TTC28: variants seen among roughly 807,000 people sequenced by gnomAD.
TTC28 encodes the protein tetratricopeptide repeat protein 28.
In TTC28, 61 loss-of-function variants were observed where a neutral mutation model predicts 198.0. That is an observed-to-expected ratio of 0.31 (90% CI 0.25 to 0.38). TTC28 has a LOEUF of 0.38. Among genes scored for constraint, TTC28 ranks in the 10% least tolerant of loss-of-function variants. The probability of loss-of-function intolerance (pLI) is 1.00; values close to 1 mark genes in which losing one functional copy is unlikely to be tolerated. For missense variants in TTC28, 2,678 were observed against 3,164.0 expected, an observed-to-expected ratio of 0.85 and a Z score of 3.69; for synonymous variants, 1,171 against 1,297.8, an observed-to-expected ratio of 0.90 and a Z score of 2.10.
chr22:28,538,208 C>A (rs1342235836), intron 2 of TTC28, among the ~76,000 whole-genome samples: 1 of 152,118 alleles, frequency 6.6e-6, no homozygotes, highest in African/African-American at 2.4e-5. Flanking sequence ...CCTCAGCTTC[C>A]TGAATAGCTG....
chr22:28,033,810 C>A (rs912005552), intron 12 of TTC28, among the ~76,000 whole-genome samples: 2 of 152,154 alleles, frequency 1.3e-5, no homozygotes, highest in African/African-American at 4.8e-5. Context: ...GGCTGCCCAA[C>A]CCTCAAAAAC....
At chr22:28,046,644 T>C (rs12169888) in intron 12 of TTC28, among the ~76,000 whole-genome samples, 10,523 of 152,272 alleles carry the variant, frequency 0.069, 429 homozygotes, top group South Asian at 0.091. Context: ...ACTGTGTACA[T>C]AGGCTGCCTG....
At chr22:28,403,829 C>T (rs1426591959) in intron 2 of TTC28, among the ~76,000 whole-genome samples, 1 of 152,202 alleles carries the variant, frequency 6.6e-6, no homozygotes, top group African/African-American at 2.4e-5. Context: ...TCAAAGCAGT[C>T]ATGGGTCTCA....
chr22:28,373,283 T>C (rs536754538), intron 2 of TTC28, among the ~76,000 whole-genome samples: 1 of 152,264 alleles, frequency 6.6e-6, no homozygotes, highest in South Asian at 2.1e-4. Context: ...GAGTTTGGCT[T>C]TCATTTTTAC....
chr22:28,409,225 T>C lies in TTC28; in HGVS notation c.382-102582A>G, dbSNP rs367995177. 2.1e-4 allele frequency among the ~76,000 whole-genome samples: 32 copies of C among 152,346 alleles called. No homozygotes were observed. The South Asian group carries it at 6.2e-3, about 30-fold the overall frequency. On this transcript the variant is annotated intron_variant, in intron 2 of 22. Coordinates refer to ENST00000397906, the MANE Select transcript of TTC28 (RefSeq NM_001145418.2). ...CACTCTCATAATCATGTCTATTGTTTACTGACTCATATTATTAAAGAGCCG... is the reference window on the plus strand; with the variant it reads ...CACTCTCATAATCATGTCTATTGTTCACTGACTCATATTATTAAAGAGCCG...
At chr22:28,334,823 C>T (rs2045681694) in intron 2 of TTC28, among the ~76,000 whole-genome samples, 1 of 152,112 alleles carries the variant, frequency 6.6e-6, no homozygotes, top group African/African-American at 2.4e-5. Flanking sequence ...ATGGTAGGTT[C>T]CTTTGCTATT....
intron 2 of TTC28, among the ~76,000 whole-genome samples, chr22:28,359,232 A>G (rs113318464): frequency 0.011 from 1,604 of 152,368 alleles, 34 homozygotes; most frequent in East Asian, 0.086. Context: ...AAACTGTTTA[A>G]GAAAACCTCT....
chr22:28,432,379 A>G (rs1177792343), intron 2 of TTC28, among the ~76,000 whole-genome samples: 1 of 152,104 alleles, frequency 6.6e-6, no homozygotes, highest in African/African-American at 2.4e-5. Flanking sequence ...TACTTTAAAA[A>G]TTAGCTTTAG....
At chr22:28,630,479 TTTG>T (rs1230705765) in intron 1 of TTC28, among the ~76,000 whole-genome samples, 8 of 152,234 alleles carry the variant, frequency 5.3e-5, no homozygotes, top group Middle Eastern at 3.4e-3. Context: ...TTTTGGTGTT[TTTG>T]TTGTTGTTGT....
chr22:28,270,046 T>C (rs1931952494), intron 5 of TTC28, among the ~76,000 whole-genome samples: 2 of 152,198 alleles, frequency 1.3e-5, no homozygotes, highest in South Asian at 4.1e-4. Flanking sequence ...ATCCTGAGCC[T>C]AATGTGAGGA....
intron 2 of TTC28, among the ~76,000 whole-genome samples, chr22:28,516,751 A>G (rs550317218): frequency 1.3e-5 from 2 of 151,978 alleles, no homozygotes; most frequent in Non-Finnish European, 1.5e-5. Context: ...CTAGAACTTA[A>G]AGTATAATAA....
At chr22:28,044,598 C>T (rs1939789274) in intron 12 of TTC28, among the ~76,000 whole-genome samples, 2 of 152,266 alleles carry the variant, frequency 1.3e-5, no homozygotes, top group South Asian at 2.1e-4. Flanking sequence ...TGCTATCCCT[C>T]CCCGCTCCCC....
chr22:28,580,812 A>G (rs1569038486), intron 2 of TTC28, among the ~76,000 whole-genome samples: 1 of 152,142 alleles, frequency 6.6e-6, no homozygotes, highest in African/African-American at 2.4e-5. Flanking sequence ...GATTTCAGCT[A>G]TCTATCTCAT....
chr22:28,154,936 T>C (rs1569166377), intron 6 of TTC28, among the ~76,000 whole-genome samples: 1 of 152,178 alleles, frequency 6.6e-6, no homozygotes, highest in Non-Finnish European at 1.5e-5. Flanking sequence ...GAAGCTTCTA[T>C]TGTCCAAAAA....
intron 2 of TTC28, among the ~76,000 whole-genome samples, chr22:28,354,224 A>C (rs749410498): frequency 6.6e-6 from 1 of 152,226 alleles, no homozygotes; most frequent in Admixed American, 6.5e-5. Context: ...GTAGTTATCC[A>C]ACAGTGTTCA....
chr22:28,409,804 A>G (rs2047054870), intron 2 of TTC28, among the ~76,000 whole-genome samples: 2 of 151,490 alleles, frequency 1.3e-5, no homozygotes, highest in South Asian at 4.2e-4. Flanking sequence ...CTACAGGCGC[A>G]CAGCACCATG....
At chr22:28,049,112 A>G (rs1939979307) in intron 12 of TTC28, among the ~76,000 whole-genome samples, 1 of 152,174 alleles carries the variant, frequency 6.6e-6, no homozygotes, top group African/African-American at 2.4e-5. Flanking sequence ...TCTGATCCTT[A>G]TAAGGGCTAG....
chr22:28,602,315 G>A (rs747032798), intron 2 of TTC28, among the ~76,000 whole-genome samples: 2 of 152,098 alleles, frequency 1.3e-5, no homozygotes, highest in South Asian at 2.1e-4. Flanking sequence ...TTCTTGCCAC[G>A]TAATTGATCC....
rs889029474 is a variant in TTC28, at chr22:28,026,002, C to T, written c.4073+4224G>A. Among the ~76,000 whole-genome samples the T allele has an allele frequency of 2.2e-4, 33 of 152,344 alleles. 1 individual carries two copies. The highest frequency in any genetic ancestry group is 1.8e-3 in the Admixed American group (28 of 15,308). Reference sequence around the variant, plus strand: ...TCTCCTCTCCAGTCACTGCTCTCCACTGTCCTGCTGACACTTTCTTCCCCG... The same window carrying T: ...TCTCCTCTCCAGTCACTGCTCTCCATTGTCCTGCTGACACTTTCTTCCCCG... On this transcript the variant is annotated intron_variant, in intron 13 of 22. Transcript: ENST00000397906.
Sources: gnomAD v4.1 joint callset for allele counts (sites outside exome capture counted in the v4.1 genomes callset) on GRCh38, gnomAD v4.1.1 for gene constraint, MANE v1.5 for transcripts, NCBI Gene and HGNC (gene_info 2026-07-23, HGNC 2026-07-21) for gene names.